The following SPTLC3 variants were observed in gnomAD, a reference collection of about 807,000 sequenced individuals.
The protein encoded by SPTLC3 is serine palmitoyltransferase 3.
A neutral mutation model predicts 59.3 loss-of-function variants in SPTLC3; 36 were observed. That is an observed-to-expected ratio of 0.61 (90% CI 0.47 to 0.80). SPTLC3 has a LOEUF of 0.80. SPTLC3 is among the 30% of genes least tolerant of loss of function. The pLI is 0.00. For synonymous variants in SPTLC3, 257 were observed against 240.8 expected, an observed-to-expected ratio of 1.07 and a Z score of -0.62; for missense variants, 625 against 685.1, an observed-to-expected ratio of 0.91 and a Z score of 0.98.
intron 9 of SPTLC3, among the ~76,000 whole-genome samples, chr20:13,135,499 T>C (rs1057321003): frequency 1.3e-5 from 2 of 152,224 alleles, no homozygotes; most frequent in African/African-American, 4.8e-5. Flanking sequence ...GAATATTAGA[T>C]ATTAAGATTC....
chr20:13,064,275 T>TG (rs1988096709), intron 2 of SPTLC3, among the ~76,000 whole-genome samples: 2 of 141,514 alleles, frequency 1.4e-5, no homozygotes, highest in Non-Finnish European at 3.0e-5. Flanking sequence ...CCTTTTCTTT[T>TG]TTTTTTTTGT....
rs771124123 is a variant in SPTLC3, at chr20:13,165,720, A to G, written c.*853A>G. ...CTATTACCTTAAGGAATTAGTTGTC[A>G]TTTTCCTATTGAATTTTGAGTAAAT... On this transcript the variant is annotated 3_prime_UTR_variant, in exon 12 of 12. Transcript: ENST00000399002. 6 of 152,170 alleles carry G rather than the reference A, an allele frequency of 3.9e-5. No individual in the cohort carries two copies. Among genetic ancestry groups the G allele is most frequent in the Non-Finnish European group, 7.3e-5 (5 of 68,034 alleles). 9.4% of individuals were successfully genotyped at this position (152,170 alleles called of 1,614,324 possible).
intron 9 of SPTLC3, among the ~76,000 whole-genome samples, chr20:13,144,169 C>T (rs2038452000): frequency 6.6e-6 from 1 of 152,192 alleles, no homozygotes. Flanking sequence ...TCCCCATCCC[C>T]AAACTTGTGT....
At position 13,126,600 on chromosome 20, in the gene SPTLC3, G is replaced by C; in HGVS notation, c.1162G>C (p.Asp388His). 3 of 1,613,238 alleles carry C rather than the reference G, an allele frequency of 1.9e-6. No individual in the cohort carries two copies. Among genetic ancestry groups the C allele is most frequent in the Non-Finnish European group, 2.5e-6 (3 of 1,179,718 alleles). ...GYIAGRKDLV[D>H]YLRVHSHSAV... ...CCCCTCTTTATTTAAGGACCTCGTG[G>C]ATTATTTACGGGTTCACTCGCATAG... The change falls in exon 9 of 12, where the codon GAT (aspartate) becomes CAT (histidine). Residue 388 changes from aspartate to histidine, a missense_variant. By Grantham distance (81) the Asp-to-His change is moderately conservative (BLOSUM62 -1). Coordinates refer to ENST00000399002, the MANE Select transcript of SPTLC3 (RefSeq NM_018327.4).
rs149317821 is a variant in SPTLC3 at position 13,061,158 on chromosome 20, A to G, written c.304-11098A>G. On this transcript the variant is annotated intron_variant, in intron 2 of 11. Coordinates refer to ENST00000399002, the MANE Select transcript of SPTLC3 (RefSeq NM_018327.4). ...TTTTAATAATAGACATTCTGAAGTA[A>G]TTTATCTTTTGAGGAATACCGTGAC... is the stretch of plus-strand genomic sequence containing the variant. 2.9e-3 allele frequency among the ~76,000 whole-genome samples: 442 copies of G among 152,164 alleles called. 5 individuals carry two copies. Among genetic ancestry groups the G allele is most frequent in the South Asian group, 0.013 (61 of 4,828 alleles).
intron 6 of SPTLC3, among the ~76,000 whole-genome samples, chr20:13,096,571 A>G (rs1989422769): frequency 1.3e-5 from 2 of 152,142 alleles, no homozygotes; most frequent in Admixed American, 6.6e-5. Flanking sequence ...GTTCATTTGT[A>G]GTCAATTCAA....
chr20:13,027,151 T>G (rs1048440991), intron 1 of SPTLC3, among the ~76,000 whole-genome samples: 1 of 152,194 alleles, frequency 6.6e-6, no homozygotes, highest in Non-Finnish European at 1.5e-5. Flanking sequence ...TGGGATAACC[T>G]TCCAAATAAA....
chr20:13,101,268 G>C (rs773151829), intron 6 of SPTLC3, among the ~76,000 whole-genome samples: 2 of 152,188 alleles, frequency 1.3e-5, no homozygotes, highest in African/African-American at 4.8e-5. Flanking sequence ...GCATGAAGAA[G>C]CTGGGCTGAG....
In SPTLC3 at chr20:13,164,896, A is replaced by ACTT. The variant is rs775802960; in HGVS notation, c.*30_*32dup. ...TCCTGGTCCTGAATGACACATAAAG[A>ACTT]CTTTGCGAGAAAGACCTCCCTCCTT... On this transcript the variant is annotated 3_prime_UTR_variant, in exon 12 of 12. Transcript: ENST00000399002. The ACTT allele has an allele frequency of 6.3e-7, 1 of 1,575,934 alleles. No individual in the cohort carries two copies. The highest frequency in any genetic ancestry group is 8.7e-7 in the Non-Finnish European group (1 of 1,153,368).
intron 9 of SPTLC3, among the ~76,000 whole-genome samples, chr20:13,129,101 G>A (rs112647723): frequency 0.018 from 2,794 of 151,880 alleles, 53 homozygotes; most frequent in South Asian, 0.03. Context: ...TCCTGACCTC[G>A]GGTGATCTGC....
chr20:13,163,030 A>G (rs1029250298), intron 11 of SPTLC3, among the ~76,000 whole-genome samples: 2 of 152,188 alleles, frequency 1.3e-5, no homozygotes, highest in African/African-American at 4.8e-5. Flanking sequence ...TATTACGTAC[A>G]TTATATAAGA....
intron 1 of SPTLC3, among the ~76,000 whole-genome samples, chr20:13,044,896 A>G (rs544852103): frequency 6.6e-6 from 1 of 152,086 alleles, no homozygotes; most frequent in African/African-American, 2.4e-5. Flanking sequence ...CAACCTCCTC[A>G]AGAATCACTC....
At chr20:13,065,968 ATAT>A in intron 2 of SPTLC3, among the ~76,000 whole-genome samples, 1 of 152,364 alleles carries the variant, frequency 6.6e-6, no homozygotes, top group African/African-American at 2.4e-5. Context: ...AGTATACAAT[ATAT>A]TATTAACTAT....
intron 1 of SPTLC3, among the ~76,000 whole-genome samples, chr20:13,019,078 G>T (rs12481402): frequency 1.3e-5 from 2 of 151,982 alleles, no homozygotes; most frequent in African/African-American, 4.8e-5. Context: ...GATCATCTGA[G>T]CCCAGCGGAG....
intron 2 of SPTLC3, among the ~76,000 whole-genome samples, chr20:13,058,829 G>A (rs913228319): frequency 3.3e-5 from 5 of 152,094 alleles, no homozygotes; most frequent in African/African-American, 9.7e-5. Context: ...TTCCGTAACC[G>A]AGCCCAGATT....
At chr20:13,032,869 A>C (rs912205546) in intron 1 of SPTLC3, among the ~76,000 whole-genome samples, 2 of 152,094 alleles carry the variant, frequency 1.3e-5, no homozygotes, top group African/African-American at 4.8e-5. Flanking sequence ...AATTAAATTA[A>C]CCTCTTATGA....
chr20:13,159,982 C>CT (rs746940296), intron 10 of SPTLC3, 21 bp from the exon 11 acceptor site: 11 of 1,442,098 alleles, frequency 7.6e-6, no homozygotes, highest in East Asian at 2.5e-5. Flanking sequence ...TTTTTTTTTT[C>CT]TTTTTTTGCT....
intron 6 of SPTLC3, among the ~76,000 whole-genome samples, chr20:13,098,996 G>C (rs917647295): frequency 6.6e-6 from 1 of 152,122 alleles, no homozygotes; most frequent in African/African-American, 2.4e-5. Flanking sequence ...TCTTTGGTAG[G>C]AAAAATAATG....
intron 6 of SPTLC3, among the ~76,000 whole-genome samples, chr20:13,098,100 G>A (rs845727): frequency 0.26 from 39,361 of 151,990 alleles, 5,533 homozygotes; most frequent in African/African-American, 0.36. Context: ...AGAAGACTAC[G>A]CAACAGAGAC....
Sources: gnomAD v4.1 joint callset for allele counts (sites outside exome capture counted in the v4.1 genomes callset) on GRCh38, gnomAD v4.1.1 for gene constraint, MANE v1.5 for transcripts, NCBI Gene and HGNC (gene_info 2026-07-23, HGNC 2026-07-21) for gene names.